The following GTF2IRD1 variants were observed in gnomAD, a reference collection of about 807,000 sequenced individuals.
GTF2IRD1 encodes general transcription factor II-I repeat domain-containing protein 1.
GTF2IRD1 carries 26 observed loss-of-function variants against 113.2 expected under a neutral mutation model. The ratio of observed to expected loss-of-function variants is 0.23; its 90% CI spans 0.17 to 0.32. The LOEUF (loss-of-function observed/expected upper bound fraction) is 0.32, where lower values mean the gene tolerates loss of function less well. Among genes scored for constraint, GTF2IRD1 ranks in the 10% least tolerant of loss-of-function variants. GTF2IRD1 has a pLI of 1.00. For synonymous variants in GTF2IRD1, 484 were observed against 529.1 expected (o/e 0.91, Z 1.17); for missense variants, 864 against 1,280.8 (o/e 0.67, Z 4.97).
rs151190830 is a variant in GTF2IRD1, at chr7:74,514,497, G to C, written c.266-944G>C. 6.8e-3 allele frequency among the ~76,000 whole-genome samples: 1,040 copies of C among 152,298 alleles called. 45 individuals are homozygous for C. Among genetic ancestry groups the C allele is most frequent in the Admixed American group, 0.06 (919 of 15,302 alleles). ...CAGGAACTCGGCTGGTTTATTTCAAGCTCCGCAGATCCCAGAGGAGAATAG... is the reference window on the plus strand; with the variant it reads ...CAGGAACTCGGCTGGTTTATTTCAACCTCCGCAGATCCCAGAGGAGAATAG... On this transcript the variant is annotated intron_variant, in intron 3 of 26. Coordinates refer to ENST00000424337, the MANE Select transcript of GTF2IRD1 (RefSeq NM_005685.4).
At chr7:74,532,171 C>G (rs1368222081) in intron 9 of GTF2IRD1, among the ~76,000 whole-genome samples, 1 of 152,158 alleles carries the variant, frequency 6.6e-6, no homozygotes, top group African/African-American at 2.4e-5. Flanking sequence ...CCCAATGCCC[C>G]CCCAGGGAAT....
chr7:74,539,110 A>G lies in GTF2IRD1; in HGVS notation c.1528+350A>G, dbSNP rs192600271. Among the ~76,000 whole-genome samples the G allele has an allele frequency of 2.5e-4, 38 of 152,246 alleles. No individual in the cohort carries two copies. The East Asian group carries it at 6.4e-3, about 26-fold the overall frequency. ...ATTTTCCACATCTTCAGAGGAGAGG[A>G]TAGATTTGGGCGCTGGAGCCTCAGT... is the stretch of plus-strand genomic sequence containing the variant. On this transcript the variant is annotated intron_variant, in intron 13 of 26. Transcript: ENST00000424337.
chr7:74,541,911 A>AATAGATAGATAG (rs58094935), intron 14 of GTF2IRD1, among the ~76,000 whole-genome samples: 1,739 of 150,132 alleles, frequency 0.012, 24 homozygotes, highest in Non-Finnish European at 0.016. Context: ...AAAATAACTA[A>AATAGATAGATAG]ATAGATAGAT....
At chr7:74,501,413 C>A (rs1796022326) in intron 1 of GTF2IRD1, among the ~76,000 whole-genome samples, 1 of 152,160 alleles carries the variant, frequency 6.6e-6, no homozygotes, top group South Asian at 2.1e-4. Context: ...TAAACTGGTC[C>A]CGGCATTTGG....
intron 14 of GTF2IRD1, among the ~76,000 whole-genome samples, chr7:74,540,342 C>T (rs1325656546): frequency 1.1e-4 from 16 of 152,024 alleles, no homozygotes; most frequent in East Asian, 5.8e-4. Flanking sequence ...GGCGGGCTTT[C>T]GCTATGTTGG....
intron 24 of GTF2IRD1, among the ~76,000 whole-genome samples, chr7:74,592,036 C>G (rs1554369855): frequency 1.3e-5 from 2 of 151,798 alleles, no homozygotes; most frequent in Admixed American, 6.6e-5. Context: ...AGCTGTAACT[C>G]TCCTACTGAA....
chr7:74,479,410 C>T (rs1794611863), intron 1 of GTF2IRD1, among the ~76,000 whole-genome samples: 2 of 141,866 alleles, frequency 1.4e-5, no homozygotes, highest in Non-Finnish European at 3.0e-5. Flanking sequence ...ACGTGGGCGG[C>T]CCAGGCTGGC....
At position 74,535,839 on chromosome 7, in the gene GTF2IRD1, G is replaced by A. The variant is rs587634963; in HGVS notation, c.1301-328G>A. Among the ~76,000 whole-genome samples the A allele has an allele frequency of 3.9e-5, 6 of 152,292 alleles. No homozygotes were observed. In the South Asian group the frequency reaches 8.3e-4, roughly 21 times the overall value. On this transcript the variant is annotated intron_variant, in intron 10 of 26. Coordinates refer to ENST00000424337, the MANE Select transcript of GTF2IRD1 (RefSeq NM_005685.4). ...TGTGATGCAGCCATGGGGAAGCCCC[G>A]GCCCTTTTCTGAGGGCTCAGCCCCC... is the stretch of plus-strand genomic sequence containing the variant.
chr7:74,520,842 CTATTATTATTATTATTATTATTAT>C (rs200488760), intron 6 of GTF2IRD1, among the ~76,000 whole-genome samples: 2 of 129,088 alleles, frequency 1.5e-5, no homozygotes, highest in African/African-American at 5.8e-5. Context: ...GTTATATATA[CTATTATTATTATTATTATTATTAT>C]TATTATTATT....
At position 74,468,258 on chromosome 7, in the gene GTF2IRD1, T is replaced by C. The variant is rs987660474; in HGVS notation, c.-7+14082T>C. On this transcript the variant is annotated intron_variant, in intron 1 of 26. Transcript: ENST00000424337. ...AGCTCAGGCATGTAATTTTAGCACT[T>C]CGGAAGGCCGAGATGGGCAGATTGC... Among the ~76,000 whole-genome samples, 4 of 151,888 alleles carry C rather than the reference T, an allele frequency of 2.6e-5. No homozygotes were observed. The South Asian group carries it at 8.3e-4, about 32-fold the overall frequency.
chr7:74,546,623 G>C (rs1223534304), intron 16 of GTF2IRD1, among the ~76,000 whole-genome samples: 1 of 152,158 alleles, frequency 6.6e-6, no homozygotes, highest in African/African-American at 2.4e-5. Context: ...ACTCGTCCAA[G>C]GCCCCACACC....
At chr7:74,575,721 C>T (rs587596385) in intron 22 of GTF2IRD1, among the ~76,000 whole-genome samples, 12 of 152,234 alleles carry the variant, frequency 7.9e-5, no homozygotes, top group Admixed American at 7.2e-4. Flanking sequence ...TGGGTGGAGA[C>T]AGGGAAGATG....
At chr7:74,510,101 G>A (rs1796538493) in intron 2 of GTF2IRD1, among the ~76,000 whole-genome samples, 1 of 152,090 alleles carries the variant, frequency 6.6e-6, no homozygotes, top group Admixed American at 6.6e-5. Flanking sequence ...GGGCAGCGGT[G>A]GGAGACACCC....
chr7:74,477,076 G>C (rs37619), intron 1 of GTF2IRD1, among the ~76,000 whole-genome samples: 280 of 152,246 alleles, frequency 1.8e-3, no homozygotes, highest in Non-Finnish European at 3.2e-3. Context: ...TTTAAAGCAA[G>C]AACGGGGCTG....
chr7:74,458,710 A>G (rs762991879), intron 1 of GTF2IRD1, among the ~76,000 whole-genome samples: 4 of 148,918 alleles, frequency 2.7e-5, no homozygotes, highest in Non-Finnish European at 5.9e-5. Context: ...GCTGGAGTGC[A>G]GTGGCACGAT....
intron 1 of GTF2IRD1, among the ~76,000 whole-genome samples, chr7:74,472,619 G>A (rs1794178485): frequency 6.6e-6 from 1 of 152,212 alleles, no homozygotes; most frequent in African/African-American, 2.4e-5. Flanking sequence ...AGGCATGGCG[G>A]GGGGTGCCTG....
intron 1 of GTF2IRD1, among the ~76,000 whole-genome samples, chr7:74,482,264 G>A (rs1584490147): frequency 9.5e-6 from 1 of 105,676 alleles, no homozygotes; most frequent in African/African-American, 3.8e-5. Context: ...GCCTCCTTCT[G>A]TATCCCAGGC....
chr7:74,566,039 C>CACACACACA, intron 22 of GTF2IRD1, among the ~76,000 whole-genome samples: 1 of 115,784 alleles, frequency 8.6e-6, no homozygotes, highest in Non-Finnish European at 1.9e-5. Flanking sequence ...ACACACACAC[C>CACACACACA]CTAAAGAGAA....
rs587648610 is a variant in GTF2IRD1 at position 74,556,790 on chromosome 7, A to ATTTTTTTTTTTTT, written c.2024-844_2024-843insTTTTTTTTTTTTT. Among the ~76,000 whole-genome samples the ATTTTTTTTTTTTT allele has an allele frequency of 1.3e-3, 171 of 132,624 alleles. 1 individual carries two copies. The highest frequency in any genetic ancestry group is 2.1e-3 in the South Asian group (9 of 4,278). 87.0% of individuals were successfully genotyped at this position (132,624 alleles called of 152,430 possible). On this transcript the variant is annotated intron_variant, in intron 19 of 26. Coordinates refer to ENST00000424337, the MANE Select transcript of GTF2IRD1 (RefSeq NM_005685.4). ...AGGTACGCACCACCATGCCTGGCTAATTTTTGTATTTTTAGTAGAGATAGG... is the reference window on the plus strand; with the variant it reads ...AGGTACGCACCACCATGCCTGGCTAATTTTTTTTTTTTTTTTTTGTATTTTTAGTAGAGATAGG...
Sources: allele counts gnomAD v4.1 joint callset (sites outside exome capture counted in the v4.1 genomes callset), GRCh38; gene constraint gnomAD v4.1.1; transcripts MANE v1.5; gene names NCBI Gene and HGNC (gene_info 2026-07-23, HGNC 2026-07-21).